Variants in SF3A2 observed in about 807,000 individuals in gnomAD.
SF3A2 encodes the protein splicing factor 3a subunit 2.
Under a neutral mutation model 31.1 loss-of-function variants are expected in SF3A2, and 5 were observed. The observed-to-expected ratio is 0.16, with a 90% CI of 0.08 to 0.34. The LOEUF (loss-of-function observed/expected upper bound fraction) is 0.34. Among genes scored for constraint, SF3A2 ranks in the 10% least tolerant of loss-of-function variants. The pLI is 1.00. For synonymous variants in SF3A2, 365 were observed against 263.7 expected (o/e 1.38, Z -3.72); for missense variants, 577 against 643.9 (o/e 0.90, Z 1.13).
chr19:2,247,098 G>A, intron 7 of SF3A2, 76 bp downstream of exon 7: 2 of 1,548,824 alleles, frequency 1.3e-6, no homozygotes, highest in Non-Finnish European at 1.7e-6. Flanking sequence ...TGGGCAGGAT[G>A]CCCCTCCCAT....
In SF3A2 at chr19:2,245,564, G is replaced by T. The variant is rs565216034; in HGVS notation, c.355+9G>T. The T allele has an allele frequency of 1.3e-6, 2 of 1,539,848 alleles. No homozygotes were observed. Among genetic ancestry groups the T allele is most frequent in the East Asian group, 4.9e-5 (2 of 40,886 alleles). On this transcript the variant is annotated intron_variant, in intron 5 of 8. Coordinates refer to ENST00000221494, the MANE Select transcript of SF3A2 (RefSeq NM_007165.5). This position sits in a 1 kb window ranked among gnomAD's most constrained non-coding sequence, Gnocchi z 4.2. ...CCGCCCGGGCTACAAAGGTGAGTCT[G>T]CCCGCAGCGGGGCCGGCCACAGCCG... is the stretch of plus-strand genomic sequence containing the variant.
At chr19:2,244,036 A>G (rs2024911615) in intron 2 of SF3A2, among the ~76,000 whole-genome samples, 1 of 152,190 alleles carries the variant, frequency 6.6e-6, no homozygotes, top group East Asian at 1.9e-4. Context: ...ACAGCCGCAG[A>G]TGGTGGAGTT....
Position 2,245,750 on chromosome 19 carries a change from C to T in SF3A2, c.355+195C>T. The T allele has an allele frequency of 1.7e-6, 1 of 593,140 alleles. No individual in the cohort carries two copies. The highest frequency in any genetic ancestry group is 3.0e-6 in the Non-Finnish European group (1 of 330,454). The allele number at this position is 593,140 out of a possible 1,614,324, so 36.7% of individuals were successfully genotyped here. A position where few individuals can be genotyped will look rare whatever the true frequency, so the allele number is the denominator to read the frequency against. ...GCTGTCAGGCTGGGCCCGATAAGCA[C>T]CCATCTCACCCAGCAGCCCATTTCC... On this transcript the variant is annotated intron_variant, in intron 5 of 8. Transcript: ENST00000221494. The surrounding 1 kb of genome is among the most constrained non-coding windows in gnomAD (Gnocchi z 4.2).
At position 2,248,281 on chromosome 19, in the gene SF3A2, C is replaced by T. The variant is rs1442496788; in HGVS notation, c.1130C>T (p.Pro377Leu). The T allele has an allele frequency of 2.1e-5, 30 of 1,406,488 alleles. No individual in the cohort carries two copies. Among genetic ancestry groups the T allele is most frequent in the South Asian group, 7.7e-5 (5 of 65,246 alleles). The allele number at this position is 1,406,488 out of a possible 1,614,324, so 87.1% of individuals were successfully genotyped here. ...TCAGCGGGGGTTCACCCCCAGGCCC[C>T]GGGGGTGCACCCAGCAGCCCCCGCC... The part of the protein sequence containing the change: ...PPSAGVHPQA[P>L]GVHPAAPAVH... Residue 377 changes from proline (P) to leucine (L), a missense_variant, in exon 9 of 9, where the codon CCG becomes CTG. Physicochemically the swap from Pro to Leu is moderately conservative, Grantham distance 98. Transcript: ENST00000221494.
chr19:2,237,387 A>G (rs1264538169), intron 1 of SF3A2: 1 of 148,200 alleles, frequency 6.7e-6, no homozygotes, highest in Non-Finnish European at 1.5e-5. Context: ...AGCCTGGGCA[A>G]CATAGCGAGA....
Position 2,248,534 on chromosome 19 carries a change from C to G in SF3A2, c.1383C>G (p.Pro461=). Residue 461 remains proline, a synonymous_variant, in exon 9 of 9, where the codon CCC becomes CCG. Transcript: ENST00000221494. ...GCCCAGGGAACATACCTCCCCCTCC[C>G]CCAACCAACTGAGAAGCTGCTCCCT... ...SEGPGNIPPP[P]PTN 1.8e-6 allele frequency: 2 copies of G among 1,122,066 alleles called. No individual in the cohort carries two copies. The highest frequency in any genetic ancestry group is 2.3e-6 in the Non-Finnish European group (2 of 852,342). The allele number at this position is 1,122,066 out of a possible 1,614,324, so 69.5% of individuals were successfully genotyped here.
rs2024927738 is a variant in SF3A2 at position 2,245,913 on chromosome 19, G to C, written c.355+358G>C. ...GGTTAACCTTGAAGCCTTTGAAGGAGGACAGGGAGAAGCGGCTGTTAGAGG... is the reference window on the plus strand; with the variant it reads ...GGTTAACCTTGAAGCCTTTGAAGGACGACAGGGAGAAGCGGCTGTTAGAGG... On this transcript the variant is annotated intron_variant, in intron 5 of 8. Transcript: ENST00000221494. The surrounding 1 kb of genome is among the most constrained non-coding windows in gnomAD (Gnocchi z 4.2). 2 of 276,720 alleles carry C rather than the reference G, an allele frequency of 7.2e-6. No homozygotes were observed. Among genetic ancestry groups the C allele is most frequent in the South Asian group, 4.8e-5 (1 of 20,626 alleles). 17.1% of individuals were successfully genotyped at this position (276,720 alleles called of 1,614,324 possible).
At chr19:2,241,769 T>C (rs2024891571) in intron 1 of SF3A2, among the ~76,000 whole-genome samples, 1 of 152,192 alleles carries the variant, frequency 6.6e-6, no homozygotes, top group African/African-American at 2.4e-5. Flanking sequence ...AGTCTCCTTT[T>C]TCACACTGGA....
At position 2,243,433 on chromosome 19, in the gene SF3A2, T is replaced by C; in HGVS notation, c.15T>C (p.His5=). 6.5e-7 allele frequency: 1 copy of C among 1,546,220 alleles called. No homozygotes were observed. The highest frequency in any genetic ancestry group is 1.7e-4 in the Middle Eastern group (1 of 5,832). The change falls in exon 2 of 9, where the codon CAT becomes CAC. Residue 5 remains histidine (H), a synonymous_variant. Transcript: ENST00000221494. MDFQ[H]RPGGKTGSGG... ...AGGCCATCACCATGGACTTCCAGCA[T>C]CGCCCCGGGGGCAAGACCGGGAGCG...
In SF3A2 at chr19:2,246,709, G is replaced by T; in HGVS notation, c.356-44G>T. 1 of 1,612,854 alleles carries T rather than the reference G, an allele frequency of 6.2e-7. No homozygotes were observed. The highest frequency in any genetic ancestry group is 8.5e-7 in the Non-Finnish European group (1 of 1,179,416). On this transcript the variant is annotated intron_variant, in intron 5 of 8. Transcript: ENST00000221494. This position sits in a 1 kb window ranked among gnomAD's most constrained non-coding sequence, Gnocchi z 5.5. ...AGCCTGCCCCAGGTTCCTCAGCTTC[G>T]GAGAGGACAAGCAGCCGGGACCTGA...
At chr19:2,238,357 A>G (rs1313892149) in intron 1 of SF3A2, among the ~76,000 whole-genome samples, 3 of 152,166 alleles carry the variant, frequency 2.0e-5, no homozygotes, top group Non-Finnish European at 4.4e-5. Flanking sequence ...GGGTTTTACC[A>G]GGTTGGCCAG....
Position 2,245,371 on chromosome 19 carries a change from C to T in SF3A2, c.246-75C>T. ...TGTAGTGAGCTCCAAGGTCAGGGGG[C>T]TCCTGGCACCTGGGCCCATGGCTTT... On this transcript the variant is annotated intron_variant, in intron 4 of 8. Coordinates refer to ENST00000221494, the MANE Select transcript of SF3A2 (RefSeq NM_007165.5). This position sits in a 1 kb window ranked among gnomAD's most constrained non-coding sequence, Gnocchi z 4.2. 3.6e-6 allele frequency: 4 copies of T among 1,112,782 alleles called. No homozygotes were observed. Among genetic ancestry groups the T allele is most frequent in the Non-Finnish European group, 4.0e-6 (3 of 758,204 alleles). 68.9% of individuals were successfully genotyped at this position (1,112,782 alleles called of 1,614,324 possible). A position where few individuals can be genotyped will look rare whatever the true frequency, so the allele number is the denominator to read the frequency against.
rs60571903 is a variant in SF3A2, at chr19:2,239,356, CAAAA to C, written c.-38+2471_-38+2474del. ...TGGGCGACAGAGCGAGAATCCGTCTCAAAAAAAAAAAAAAAAAAAGAGAGAGAAA... is the reference window on the plus strand; with the variant it reads ...TGGGCGACAGAGCGAGAATCCGTCTCAAAAAAAAAAAAAAAGAGAGAGAAA... On this transcript the variant is annotated intron_variant, in intron 1 of 8. Coordinates refer to ENST00000221494, the MANE Select transcript of SF3A2 (RefSeq NM_007165.5). 8.6e-4 allele frequency among the ~76,000 whole-genome samples: 86 copies of C among 100,042 alleles called. No individual in the cohort carries two copies. The Middle Eastern group carries it at 0.014, about 16-fold the overall frequency. 65.6% of individuals were successfully genotyped at this position (100,042 alleles called of 152,430 possible).
At chr19:2,239,658 T>TA (rs1265121441) in intron 1 of SF3A2, among the ~76,000 whole-genome samples, 24 of 152,336 alleles carry the variant, frequency 1.6e-4, no homozygotes, top group African/African-American at 5.5e-4. Flanking sequence ...CTAATGTTCT[T>TA]ATGTTATTTC....
chr19:2,241,388 G>A (rs921326710), intron 1 of SF3A2, among the ~76,000 whole-genome samples: 7 of 152,200 alleles, frequency 4.6e-5, no homozygotes, highest in African/African-American at 1.4e-4. Flanking sequence ...GTGCGGCTGC[G>A]GCCTGGTGGG....
chr19:2,237,409 C>CA (rs57302783), intron 1 of SF3A2: 59,820 of 106,922 alleles, frequency 0.56, 18,518 homozygotes, highest in Non-Finnish European at 0.7. Context: ...CCCATCACTG[C>CA]AAAAAAAAAA....
chr19:2,244,510 TTCTG>T (rs751984774), intron 2 of SF3A2, 30 bp from the exon 3 acceptor site: 3 of 1,587,836 alleles, frequency 1.9e-6, no homozygotes, highest in Non-Finnish European at 1.7e-6. Context: ...GGCCGCGATC[TTCTG>T]TCTAACGGGC....
intron 1 of SF3A2, among the ~76,000 whole-genome samples, chr19:2,241,301 C>CGTTCCCCCGA (rs1360104475): frequency 6.6e-6 from 1 of 152,106 alleles, no homozygotes; most frequent in Non-Finnish European, 1.5e-5. Context: ...CCTTCTCACA[C>CGTTCCCCCGA]GTTCCCCCGA....
chr19:2,238,674 G>C (rs947807771), intron 1 of SF3A2, among the ~76,000 whole-genome samples: 6 of 152,206 alleles, frequency 3.9e-5, no homozygotes, highest in African/African-American at 1.4e-4. Flanking sequence ...CCATGAGCCT[G>C]ATTTTCTTTT....
Sources: gnomAD v4.1 joint callset for allele counts (sites outside exome capture counted in the v4.1 genomes callset) on GRCh38, gnomAD v4.1.1 for gene constraint, Gnocchi (gnomAD v3.1) non-coding constraint, MANE v1.5 for transcripts, NCBI Gene and HGNC (gene_info 2026-07-23, HGNC 2026-07-21) for gene names.